Variants in RFC3 observed in about 807,000 individuals in gnomAD.
The protein encoded by RFC3 is A1 38 kDa subunit.
RFC3 carries 41 observed loss-of-function variants against 45.1 expected under a neutral mutation model. The observed-to-expected ratio is 0.91, with a 90% confidence interval of 0.71 to 1.18. The LOEUF (loss-of-function observed/expected upper bound fraction) is 1.18, where lower values mean the gene tolerates loss of function less well. RFC3 is among the 50% of genes most tolerant of loss of function. The probability of loss-of-function intolerance (pLI) is 0.00; values close to 1 mark genes in which losing one functional copy is unlikely to be tolerated. For missense variants in RFC3, 423 were observed against 428.1 expected (o/e 0.99, Z 0.10); for synonymous variants, 149 against 144.0 (o/e 1.03, Z -0.25).
chr13:33,963,281 C>T (rs2083068632), intron 8 of RFC3, among the ~76,000 whole-genome samples: 1 of 152,140 alleles, frequency 6.6e-6, no homozygotes, highest in Admixed American at 6.6e-5. Context: ...AGATCTAGGG[C>T]TATTGCCAAC....
intron 8 of RFC3, among the ~76,000 whole-genome samples, chr13:33,961,940 T>A (rs1252728575): frequency 6.6e-6 from 1 of 152,164 alleles, no homozygotes; most frequent in Non-Finnish European, 1.5e-5. Context: ...GTAAGAATTT[T>A]AGCAAAAGAG....
intron 8 of RFC3, among the ~76,000 whole-genome samples, chr13:33,931,309 G>GCA (rs1200275240): frequency 1.3e-5 from 2 of 152,090 alleles, no homozygotes; most frequent in African/African-American, 4.8e-5. Flanking sequence ...TCAGACTTTA[G>GCA]CACACAACAG....
chr13:33,888,921 T>A (rs1301706877), intron 8 of RFC3, among the ~76,000 whole-genome samples: 1 of 152,106 alleles, frequency 6.6e-6, no homozygotes, highest in Non-Finnish European at 1.5e-5. Context: ...AATTTTTGTA[T>A]TTTTAGTAGA....
At chr13:33,933,634 T>A (rs1341173786) in intron 8 of RFC3, among the ~76,000 whole-genome samples, 1 of 152,108 alleles carries the variant, frequency 6.6e-6, no homozygotes, top group Non-Finnish European at 1.5e-5. Flanking sequence ...TTGTTAGTGA[T>A]GCATTTTCAA....
At chr13:33,905,359 C>A (rs2137681850) in intron 8 of RFC3, among the ~76,000 whole-genome samples, 1 of 152,112 alleles carries the variant, frequency 6.6e-6, no homozygotes, top group East Asian at 1.9e-4. Flanking sequence ...AGCCAGGTGA[C>A]AATTGTGCTG....
At chr13:33,966,361 A>G in exon 9 of RFC3, 1 of 582,338 alleles carries the variant, frequency 1.7e-6, no homozygotes, top group Non-Finnish European at 3.1e-6. Context: ...CAAAACACTC[A>G]TCTCCTCTGT....
At chr13:33,863,735 T>G (rs977511634) in intron 8 of RFC3, among the ~76,000 whole-genome samples, 7 of 152,202 alleles carry the variant, frequency 4.6e-5, no homozygotes, top group African/African-American at 1.7e-4. Context: ...GTTCCAGATT[T>G]GTTACTGCCC....
At chr13:33,877,427 G>A (rs1276756508) in intron 8 of RFC3, among the ~76,000 whole-genome samples, 1 of 152,086 alleles carries the variant, frequency 6.6e-6, no homozygotes, top group Non-Finnish European at 1.5e-5. Flanking sequence ...ATAGGACCAA[G>A]GTATATTAAG....
At chr13:33,944,815 C>T (rs2082945215) in intron 8 of RFC3, among the ~76,000 whole-genome samples, 1 of 151,960 alleles carries the variant, frequency 6.6e-6, no homozygotes, top group Admixed American at 6.6e-5. Flanking sequence ...AAGATATTGC[C>T]CTGGATATTC....
chr13:33,824,125 G>T, intron 3 of RFC3, 141 bp downstream of exon 3: 1 of 500,000 alleles, frequency 2.0e-6, no homozygotes. Flanking sequence ...AAGTGGAGCT[G>T]CCCTGCTTGA....
chr13:33,927,860 T>C (rs957109652), intron 8 of RFC3, among the ~76,000 whole-genome samples: 10 of 152,072 alleles, frequency 6.6e-5, no homozygotes, highest in Admixed American at 6.6e-4. Context: ...GGCCCTATAA[T>C]ACCAAGGAGG....
chr13:33,929,984 T>G (rs576815343), intron 8 of RFC3, among the ~76,000 whole-genome samples: 117 of 152,250 alleles, frequency 7.7e-4, no homozygotes, highest in African/African-American at 2.8e-3. Flanking sequence ...TGTGATAATT[T>G]GATACTTATA....
intron 8 of RFC3, among the ~76,000 whole-genome samples, chr13:33,894,372 G>A (rs1289110115): frequency 6.6e-6 from 1 of 152,204 alleles, no homozygotes; most frequent in South Asian, 2.1e-4. Context: ...GGGAATGGAG[G>A]GAAGTCGTTC....
At chr13:33,950,601 A>C (rs1487410956) in intron 8 of RFC3, among the ~76,000 whole-genome samples, 1 of 152,208 alleles carries the variant, frequency 6.6e-6, no homozygotes, top group Non-Finnish European at 1.5e-5. Flanking sequence ...CATGGAAGAA[A>C]GCGTCTGTAG....
intron 8 of RFC3, among the ~76,000 whole-genome samples, chr13:33,963,621 C>G (rs1205530880): frequency 6.6e-6 from 1 of 152,162 alleles, no homozygotes; most frequent in African/African-American, 2.4e-5. Flanking sequence ...GAGCAGTGTG[C>G]ATTTACTTAG....
chr13:33,857,851 G>A (rs1326592847), intron 8 of RFC3, among the ~76,000 whole-genome samples: 16 of 152,132 alleles, frequency 1.1e-4, no homozygotes, highest in Non-Finnish European at 2.4e-4. Flanking sequence ...TAATATAAAA[G>A]TACATAAATC....
intron 8 of RFC3, among the ~76,000 whole-genome samples, chr13:33,933,445 C>T (rs2082865249): frequency 6.6e-6 from 1 of 152,094 alleles, no homozygotes; most frequent in Admixed American, 6.6e-5. Flanking sequence ...TCTATAGCCA[C>T]TGCTATGATT....
chr13:33,858,793 A>G (rs1378678711), intron 8 of RFC3, among the ~76,000 whole-genome samples: 2 of 152,232 alleles, frequency 1.3e-5, no homozygotes, highest in African/African-American at 4.8e-5. Flanking sequence ...ATATTTATCT[A>G]TCTATTTAAG....
intron 4 of RFC3, among the ~76,000 whole-genome samples, 174 bp downstream of exon 4, chr13:33,826,060 A>G (rs55701205): frequency 2.7e-3 from 405 of 152,260 alleles, no homozygotes; most frequent in African/African-American, 9.0e-3. Flanking sequence ...TCCATTTGAT[A>G]TTTTAGAACA....
Sources: allele counts gnomAD v4.1 joint callset (sites outside exome capture counted in the v4.1 genomes callset), GRCh38; gene constraint gnomAD v4.1.1; transcripts MANE v1.5; gene names NCBI Gene and HGNC (gene_info 2026-07-23, HGNC 2026-07-21).